ABCC8: variants seen among roughly 807,000 people sequenced by gnomAD.
The protein encoded by ABCC8 is ATP-binding cassette sub-family C member 8.
A neutral mutation model predicts 188.0 loss-of-function variants in ABCC8; 137 were observed. That is an observed-to-expected ratio of 0.73 (90% CI 0.63 to 0.84). ABCC8 has a LOEUF of 0.84. Ranked by LOEUF, ABCC8 falls within the 40% of genes least tolerant of loss-of-function variation. The pLI, the probability that ABCC8 is intolerant of heterozygous loss-of-function variation, is 0.00. For missense variants in ABCC8, 1,750 were observed against 2,072.7 expected (o/e 0.84, Z 3.02); for synonymous variants, 797 against 846.5 (o/e 0.94, Z 1.01).
rs1172438669 is a variant in ABCC8, at chr11:17,455,957, A to AG, written c.1012-2675_1012-2674insC. The stretch of plus-strand genomic sequence containing the variant: ...CCATCCAAAAAAAAAAAAAAAAAAA[A>AG]AAGAAGTGGGTACTAGACTAGCCAA... On this transcript the variant is annotated intron_variant, in intron 6 of 38. Transcript: ENST00000389817. Among the ~76,000 whole-genome samples, 477 of 151,118 alleles carry AG rather than the reference A, an allele frequency of 3.2e-3. 3 individuals carry two copies. Among genetic ancestry groups the AG allele is most frequent in the African/African-American group, 0.011 (464 of 41,066 alleles).
intron 6 of ABCC8, among the ~76,000 whole-genome samples, chr11:17,454,047 A>G (rs1956906834): frequency 1.3e-5 from 2 of 152,230 alleles, no homozygotes; most frequent in South Asian, 4.1e-4. Flanking sequence ...GCTCCCCAGC[A>G]GAGCCACATC....
intron 11 of ABCC8, 170 bp from the exon 12 acceptor site, chr11:17,431,129 C>G: frequency 6.2e-6 from 7 of 1,130,702 alleles, no homozygotes; most frequent in Non-Finnish European, 8.7e-6. Flanking sequence ...CTCATGGAAA[C>G]GTCCCCAACA....
intron 7 of ABCC8, among the ~76,000 whole-genome samples, chr11:17,452,185 C>A (rs1397342198): frequency 1.3e-5 from 2 of 152,188 alleles, no homozygotes. Flanking sequence ...TCATCATCAC[C>A]TTCTTCAGAG....
chr11:17,472,211 T>C (rs1424336735), intron 2 of ABCC8, among the ~76,000 whole-genome samples: 1 of 152,232 alleles, frequency 6.6e-6, no homozygotes, highest in Non-Finnish European at 1.5e-5. Flanking sequence ...CTTCATAGAA[T>C]AGTTTTTAGC....
chr11:17,473,547 G>T (rs1311434180), intron 2 of ABCC8, among the ~76,000 whole-genome samples: 1 of 152,026 alleles, frequency 6.6e-6, no homozygotes, highest in Non-Finnish European at 1.5e-5. Context: ...CCAGCTCAGG[G>T]GGCGCTGGAC....
intron 23 of ABCC8, 49 bp from the exon 24 acceptor site, chr11:17,407,502 T>G (rs756892727): frequency 8.7e-6 from 14 of 1,613,426 alleles, no homozygotes; most frequent in Non-Finnish European, 1.2e-5. Context: ...ATATGGTTGG[T>G]GGGGGAAGGG....
chr11:17,403,807 G>T lies in ABCC8; in HGVS notation c.3557+705C>A, dbSNP rs368166838. Among the ~76,000 whole-genome samples, 4 of 152,244 alleles carry T rather than the reference G, an allele frequency of 2.6e-5. No individual in the cohort carries two copies. In the East Asian group the frequency reaches 5.8e-4, roughly 22 times the overall value. ...ATGTTTTTTTCATTTTTAAAAAAAT[G>T]CTGGTTGTGATCCATGATATTGATT... On this transcript the variant is annotated intron_variant, in intron 28 of 38. Transcript: ENST00000389817.
At chr11:17,414,489 G>GCCTC (rs1564905401) in intron 19 of ABCC8, 23 bp downstream of exon 19, 3 of 1,613,886 alleles carry the variant, frequency 1.9e-6, no homozygotes, top group Non-Finnish European at 2.5e-6. Flanking sequence ...TCCACATCCT[G>GCCTC]CCTCCCTCCG....
chr11:17,406,938 C>G lies in ABCC8; in HGVS notation c.3112G>C (p.Asp1038His), dbSNP rs367974472. 6.2e-7 allele frequency: 1 copy of G among 1,614,104 alleles called. No homozygotes were observed. Among genetic ancestry groups the G allele is most frequent in the Admixed American group, 1.7e-5 (1 of 60,018 alleles). Reference protein sequence around the residue: ...AIDYWLAKWTDSALTLTPAAR... With the variant: ...AIDYWLAKWTHSALTLTPAAR... ...GCAGGGGTCAGGGTCAGGGCGCTGTCGGTCCACTTGGCCAGCCAGTAGTCG... is the reference window on the plus strand; with the variant it reads ...GCAGGGGTCAGGGTCAGGGCGCTGTGGGTCCACTTGGCCAGCCAGTAGTCG... The change falls in exon 25 of 39, where the codon GAC becomes CAC. Residue 1038 changes from aspartate to histidine, a missense_variant. By Grantham distance (81) the Asp-to-His change is moderately conservative (BLOSUM62 -1). Coordinates refer to ENST00000389817, the MANE Select transcript of ABCC8 (RefSeq NM_000352.6).
Position 17,406,762 on chromosome 11 carries a change from A to G in ABCC8, c.3189T>C (p.Tyr1063=), listed in dbSNP as rs751097386. 1.9e-6 allele frequency: 3 copies of G among 1,614,098 alleles called. No individual in the cohort carries two copies. The Admixed American group carries it at 5.0e-5, about 27-fold the overall frequency. ...TGCAGAGCACCGTGAACACCATGGC[A>G]TAGACAGTCTGGTCGAGGGTGCACT... is the stretch of plus-strand genomic sequence containing the variant. ...SQECTLDQTV[Y]AMVFTVLCSL... The change falls in exon 26 of 39, where the codon TAT becomes TAC. Residue 1063 remains tyrosine (Y), a synonymous_variant. Transcript: ENST00000389817.
rs562387232 is a variant in ABCC8, at chr11:17,423,332, G to C, written c.2222+3717C>G. ...AGATCGCACCACTGCACTCCAGCCT[G>C]GGCAACAGGGCGAGACTCCGTCTCA... On this transcript the variant is annotated intron_variant, in intron 16 of 38. Transcript: ENST00000389817. Among the ~76,000 whole-genome samples the C allele has an allele frequency of 9.7e-5, 12 of 124,338 alleles. No individual in the cohort carries two copies. In the East Asian group the frequency reaches 3.1e-3, roughly 32 times the overall value. The allele number at this position is 124,338 out of a possible 152,430, so 81.6% of individuals were successfully genotyped here.
At chr11:17,417,325 C>A (rs1452029721) in intron 16 of ABCC8, among the ~76,000 whole-genome samples, 1 of 151,990 alleles carries the variant, frequency 6.6e-6, no homozygotes, top group Non-Finnish European at 1.5e-5. Flanking sequence ...TGGATAGGGA[C>A]CCAATCATTG....
chr11:17,414,493 C>T lies in ABCC8; in HGVS notation c.2390+19G>A, dbSNP rs1342445072. The T allele has an allele frequency of 6.2e-7, 1 of 1,613,966 alleles. No individual in the cohort carries two copies. Among genetic ancestry groups the T allele is most frequent in the Non-Finnish European group, 8.5e-7 (1 of 1,179,950 alleles). ...AGTTCCTCCCCTCCACATCCTGCCT[C>T]CCTCCGACAGGCTTTTACCGTTGTT... is the stretch of plus-strand genomic sequence containing the variant. On this transcript the variant is annotated intron_variant, in intron 19 of 38. Coordinates refer to ENST00000389817, the MANE Select transcript of ABCC8 (RefSeq NM_000352.6).
intron 16 of ABCC8, among the ~76,000 whole-genome samples, chr11:17,419,507 T>C (rs745343408): frequency 2.6e-5 from 4 of 152,240 alleles, no homozygotes; most frequent in Non-Finnish European, 5.9e-5. Flanking sequence ...CAAATGCATA[T>C]GCAAATGCAT....
At chr11:17,405,469 G>A (rs778326316) in intron 27 of ABCC8, 25 bp downstream of exon 27, 2 of 1,614,032 alleles carry the variant, frequency 1.2e-6, no homozygotes, top group Admixed American at 1.7e-5. Flanking sequence ...TGGAAGGGGG[G>A]ATAGTGTGGC....
intron 2 of ABCC8, among the ~76,000 whole-genome samples, chr11:17,473,878 T>C (rs897082154): frequency 6.6e-6 from 1 of 152,178 alleles, no homozygotes; most frequent in African/African-American, 2.4e-5. Flanking sequence ...GACCCAAACA[T>C]GCAGGCTGGG....
At chr11:17,451,601 C>T (rs1173099153) in intron 7 of ABCC8, among the ~76,000 whole-genome samples, 1 of 152,262 alleles carries the variant, frequency 6.6e-6, no homozygotes, top group African/African-American at 2.4e-5. Flanking sequence ...CTTCTCCTGT[C>T]TCCCACATGA....
intron 3 of ABCC8, among the ~76,000 whole-genome samples, chr11:17,465,933 G>A (rs1478971956): frequency 6.6e-6 from 1 of 152,132 alleles, no homozygotes; most frequent in African/African-American, 2.4e-5. Flanking sequence ...TCATAGCAGT[G>A]CTATTTACAA....
chr11:17,433,592 G>A (rs1041091965), intron 10 of ABCC8, among the ~76,000 whole-genome samples: 20 of 152,380 alleles, frequency 1.3e-4, no homozygotes, highest in East Asian at 1.2e-3. Flanking sequence ...GTCTGAGGAC[G>A]GAGACAGGAG....
Sources: allele counts gnomAD v4.1 joint callset (sites outside exome capture counted in the v4.1 genomes callset), GRCh38; gene constraint gnomAD v4.1.1; transcripts MANE v1.5; gene names NCBI Gene and HGNC (gene_info 2026-07-23, HGNC 2026-07-21).